Variants in PPP2R5E observed in about 807,000 individuals in gnomAD.
PPP2R5E encodes the protein serine/threonine-protein phosphatase 2A 56 kDa regulatory subunit epsilon isoform.
A neutral mutation model predicts 65.3 loss-of-function variants in PPP2R5E; 4 were observed. The observed-to-expected ratio is 0.06, with a 90% confidence interval of 0.03 to 0.14. PPP2R5E has a LOEUF of 0.14. Among genes scored for constraint, PPP2R5E ranks in the 10% least tolerant of loss-of-function variants. The pLI is 1.00. For missense variants in PPP2R5E, 274 were observed against 556.1 expected (o/e 0.49, Z 5.10); for synonymous variants, 183 against 187.4 (o/e 0.98, Z 0.19).
intron 3 of PPP2R5E, chr14:63,452,741 T>C (rs1232238680): frequency 6.6e-6 from 1 of 152,258 alleles, no homozygotes. Context: ...AAATCTGAAC[T>C]ATCATTTTTA....
rs1594990458 is a variant in PPP2R5E, at chr14:63,543,161, A to AG, written c.-391dup. 3 of 152,642 alleles carry AG rather than the reference A, an allele frequency of 2.0e-5. No individual in the cohort carries two copies. The highest frequency in any genetic ancestry group is 2.1e-4 in the South Asian group (1 of 4,780). 9.5% of individuals were successfully genotyped at this position (152,642 alleles called of 1,614,324 possible). On this transcript the variant is annotated 5_prime_UTR_variant, in exon 1 of 14. Transcript: ENST00000337537. ...CGGCGGCGGCGGCGACGACGTGGGG[A>AG]GGGGGGGAAGGGAGGGAGGAAGACT...
intron 3 of PPP2R5E, among the ~76,000 whole-genome samples, chr14:63,438,531 C>A (rs78977099): frequency 0.038 from 5,797 of 152,186 alleles, 365 homozygotes; most frequent in African/African-American, 0.13. Context: ...TGTAACTTAT[C>A]CTGCAAAATT....
Position 63,374,670 on chromosome 14 carries a change from A to C in PPP2R5E, c.*1339T>G, listed in dbSNP as rs1318187648. ...ATATATATATATATATATATATATA[A>C]AATACAGCCCTAGATTTTGTTTTTT... On this transcript the variant is annotated 3_prime_UTR_variant, in exon 14 of 14. Transcript: ENST00000337537. The C allele has an allele frequency of 9.0e-6, 1 of 110,892 alleles. No individual in the cohort carries two copies. Among genetic ancestry groups the C allele is most frequent in the Non-Finnish European group, 1.7e-5 (1 of 59,746 alleles). The allele number at this position is 110,892 out of a possible 1,614,324, so 6.9% of individuals were successfully genotyped here.
intron 4 of PPP2R5E, among the ~76,000 whole-genome samples, chr14:63,415,968 T>C (rs1886663109): frequency 6.6e-6 from 1 of 152,234 alleles, no homozygotes. Flanking sequence ...GACAAATTTC[T>C]TTTCAGAAAG....
Position 63,433,032 on chromosome 14 carries a change from GTTTT to G in PPP2R5E, c.355-10942_355-10939del, listed in dbSNP as rs747571866. ...ACAGTTTTGTTTTTTGTTTTGTTTT[GTTTT>G]TTTTTTTTTTTTTTTTTTTGAGACA... On this transcript the variant is annotated intron_variant, in intron 3 of 13. Transcript: ENST00000337537. Among the ~76,000 whole-genome samples, 7 of 96,462 alleles carry G rather than the reference GTTTT, an allele frequency of 7.3e-5. No homozygotes were observed. The South Asian group carries it at 1.2e-3, about 16-fold the overall frequency. The allele number at this position is 96,462 out of a possible 152,430, so 63.3% of individuals were successfully genotyped here.
intron 2 of PPP2R5E, among the ~76,000 whole-genome samples, chr14:63,504,750 C>A (rs1044992003): frequency 2.0e-5 from 3 of 152,104 alleles, no homozygotes. Flanking sequence ...GTGCCTTACA[C>A]GTCTTAGTCA....
chr14:63,456,382 G>C (rs1011502567), intron 2 of PPP2R5E, among the ~76,000 whole-genome samples: 6 of 152,152 alleles, frequency 3.9e-5, no homozygotes, highest in African/African-American at 1.2e-4. Flanking sequence ...TTTAATGTTA[G>C]GCAGTTGAAA....
chr14:63,438,389 A>T (rs80200193), intron 3 of PPP2R5E, among the ~76,000 whole-genome samples: 2,710 of 152,292 alleles, frequency 0.018, 75 homozygotes, highest in African/African-American at 0.062. Flanking sequence ...CACAAGCAAG[A>T]TTTCACACTT....
intron 3 of PPP2R5E, among the ~76,000 whole-genome samples, chr14:63,436,703 G>A (rs1465335632): frequency 1.3e-5 from 2 of 152,210 alleles, no homozygotes; most frequent in Admixed American, 6.5e-5. Flanking sequence ...CCCGTTGACA[G>A]TGACACATAG....
chr14:63,382,404 T>TC (rs11410722), intron 12 of PPP2R5E, among the ~76,000 whole-genome samples: 280 of 98,684 alleles, frequency 2.8e-3, no homozygotes, highest in African/African-American at 0.013. Flanking sequence ...TTCTAATTTC[T>TC]TTTTTTTTTT....
intron 3 of PPP2R5E, among the ~76,000 whole-genome samples, chr14:63,435,879 T>A (rs1305423920): frequency 2.6e-5 from 4 of 152,232 alleles, no homozygotes; most frequent in Non-Finnish European, 2.9e-5. Flanking sequence ...CACACAGAGA[T>A]GACTGTATTG....
At chr14:63,416,413 G>A (rs940707741) in intron 4 of PPP2R5E, among the ~76,000 whole-genome samples, 2 of 152,016 alleles carry the variant, frequency 1.3e-5, no homozygotes, top group South Asian at 2.1e-4. Flanking sequence ...TTGTCTCTTC[G>A]ATTTTATAAT....
chr14:63,410,015 T>G (rs1382855228), intron 5 of PPP2R5E, among the ~76,000 whole-genome samples: 1 of 152,212 alleles, frequency 6.6e-6, no homozygotes, highest in Admixed American at 6.5e-5. Flanking sequence ...TTCCTAACTT[T>G]CCACTACGTC....
At chr14:63,490,152 T>C (rs1370448748) in intron 2 of PPP2R5E, among the ~76,000 whole-genome samples, 1 of 151,992 alleles carries the variant, frequency 6.6e-6, no homozygotes, top group African/African-American at 2.4e-5. Context: ...ACTAGCCACA[T>C]ATAACTACTG....
intron 4 of PPP2R5E, among the ~76,000 whole-genome samples, chr14:63,419,969 A>G (rs1886911629): frequency 6.6e-6 from 1 of 152,226 alleles, no homozygotes; most frequent in South Asian, 2.1e-4. Flanking sequence ...TTTTTGTGGC[A>G]GAATTAAAGA....
intron 1 of PPP2R5E, among the ~76,000 whole-genome samples, chr14:63,540,964 T>C (rs930866551): frequency 3.9e-5 from 6 of 152,204 alleles, no homozygotes; most frequent in African/African-American, 1.4e-4. Context: ...ATTCTGTAAC[T>C]GGAAAACTTC....
chr14:63,395,351 AGGAGGAGGAGGAGGAGAAGGG>A, intron 6 of PPP2R5E, 66 bp from the exon 7 acceptor site: 12 of 764,812 alleles, frequency 1.6e-5, no homozygotes, highest in Non-Finnish European at 2.2e-5. Flanking sequence ...GGATAAAAAG[AGGAGGAGGAGGAGGAGAAGGG>A]GGAGGAGGAG....
chr14:63,382,590 G>A (rs1157237153), intron 12 of PPP2R5E, among the ~76,000 whole-genome samples: 3 of 151,580 alleles, frequency 2.0e-5, no homozygotes, highest in Non-Finnish European at 4.4e-5. Flanking sequence ...TAGTAGAGAC[G>A]AGGTTTCTCC....
intron 2 of PPP2R5E, among the ~76,000 whole-genome samples, chr14:63,538,900 A>G (rs1272039356): frequency 6.6e-6 from 1 of 152,052 alleles, no homozygotes; most frequent in East Asian, 1.9e-4. Flanking sequence ...AACCAGCCTG[A>G]GCAACAGAGG....
Sources: gnomAD v4.1 joint callset for allele counts (sites outside exome capture counted in the v4.1 genomes callset) on GRCh38, gnomAD v4.1.1 for gene constraint, MANE v1.5 for transcripts, NCBI Gene and HGNC (gene_info 2026-07-23, HGNC 2026-07-21) for gene names.